CSMD2: variants seen among roughly 807,000 people sequenced by gnomAD.
CSMD2 encodes the protein CUB and sushi domain-containing protein 2.
In CSMD2, 130 loss-of-function variants were observed where a neutral mutation model predicts 398.5. The ratio of observed to expected loss-of-function variants is 0.33; its 90% CI spans 0.28 to 0.38. CSMD2 has a LOEUF of 0.38. CSMD2 is among the 10% of genes least tolerant of loss of function. The probability of loss-of-function intolerance (pLI) is 1.00; values close to 1 mark genes in which losing one functional copy is unlikely to be tolerated. For synonymous variants in CSMD2, 1,828 were observed against 1,908.5 expected (o/e 0.96, Z 1.10); for missense variants, 3,829 against 4,764.9 (o/e 0.80, Z 5.78).
chr1:33,922,168 G>A (rs2125294960), intron 4 of CSMD2, among the ~76,000 whole-genome samples: 1 of 152,242 alleles, frequency 6.6e-6, no homozygotes, highest in Admixed American at 6.5e-5. Flanking sequence ...GATACCTATG[G>A]GCCTGGGATC....
At chr1:33,933,537 T>C (rs151251570) in intron 4 of CSMD2, among the ~76,000 whole-genome samples, 2 of 152,358 alleles carry the variant, frequency 1.3e-5, no homozygotes, top group African/African-American at 4.8e-5. Context: ...TTTTATTTAC[T>C]ATCATATTTC....
At chr1:33,724,337 G>C in intron 18 of CSMD2, 24 bp from the exon 19 acceptor site, 1 of 1,579,598 alleles carries the variant, frequency 6.3e-7, no homozygotes, top group African/African-American at 1.3e-5. Flanking sequence ...GAAGAGGGCA[G>C]TGAAAGACCA....
At chr1:33,861,808 GGAGA>G (rs1284723982) in intron 5 of CSMD2, among the ~76,000 whole-genome samples, 2 of 152,180 alleles carry the variant, frequency 1.3e-5, no homozygotes, top group African/African-American at 2.4e-5. Flanking sequence ...TGTACTGGAA[GGAGA>G]GAGTCATTTA....
At position 34,088,953 on chromosome 1, in the gene CSMD2, C is replaced by A. The variant is rs373230701; in HGVS notation, c.404+24G>T. On this transcript the variant is annotated intron_variant, in intron 2 of 70. Transcript: ENST00000373381. ...TGGCTCATAGCCCAGCTGTTTGCTA[C>A]AGGGAAGGTGGGCAGCATGGTACCT... 7.5e-6 allele frequency: 12 copies of A among 1,597,034 alleles called. No homozygotes were observed. The African/African-American group carries it at 1.6e-4, about 21-fold the overall frequency.
intron 1 of CSMD2, among the ~76,000 whole-genome samples, chr1:34,111,226 A>G (rs576558654): frequency 2.8e-4 from 42 of 152,346 alleles, no homozygotes; most frequent in Admixed American, 5.2e-4. Context: ...TTACAAAAGT[A>G]CAATTCATAT....
chr1:33,772,830 G>A, intron 12 of CSMD2, 79 bp from the exon 13 acceptor site: 1 of 1,174,364 alleles, frequency 8.5e-7, no homozygotes, highest in Non-Finnish European at 1.2e-6. Flanking sequence ...CACATGACAA[G>A]CTCTACTGCT....
In CSMD2 at chr1:33,541,162, C is replaced by T. The variant is rs768710561; in HGVS notation, c.9425G>A (p.Arg3142Gln). The change falls in exon 59 of 71, where the codon CGG (arginine) becomes CAG (glutamine). Residue 3142 changes from arginine (R) to glutamine (Q), a missense_variant. Transcript: ENST00000373381. ...RVSVLSCTKDRTWNGTKPVCK... is the reference protein window; with the variant it reads ...RVSVLSCTKDQTWNGTKPVCK... ...GACGGGCTTGGTTCCATTCCATGTCCGGTCCTTGGTGCAGCTCAGCACAGA... is the reference window on the plus strand; with the variant it reads ...GACGGGCTTGGTTCCATTCCATGTCTGGTCCTTGGTGCAGCTCAGCACAGA... 1.6e-5 allele frequency: 26 copies of T among 1,614,014 alleles called. No individual in the cohort carries two copies. The highest frequency in any genetic ancestry group is 4.0e-5 in the African/African-American group (3 of 74,922).
At chr1:33,712,183 G>A (rs1042118985) in intron 21 of CSMD2, among the ~76,000 whole-genome samples, 11 of 152,248 alleles carry the variant, frequency 7.2e-5, no homozygotes, top group African/African-American at 2.6e-4. Context: ...TGAGGCAGAG[G>A]GTTAGGTCTT....
intron 40 of CSMD2, among the ~76,000 whole-genome samples, 182 bp from the exon 41 acceptor site, chr1:33,611,432 G>T (rs74524074): frequency 0.013 from 2,040 of 152,274 alleles, 50 homozygotes; most frequent in African/African-American, 0.045. Context: ...TCTTTGACAG[G>T]GCTGAACTTA....
At chr1:34,009,786 C>T (rs1647186575) in intron 3 of CSMD2, among the ~76,000 whole-genome samples, 1 of 152,160 alleles carries the variant, frequency 6.6e-6, no homozygotes, top group South Asian at 2.1e-4. Context: ...CCCACTCCCC[C>T]ACATTTAATA....
chr1:33,830,352 C>T (rs1206245649), intron 6 of CSMD2, among the ~76,000 whole-genome samples: 15 of 152,280 alleles, frequency 9.9e-5, no homozygotes, highest in South Asian at 4.1e-4. Flanking sequence ...TCGTGGTTCA[C>T]GAAAATCTGC....
At position 33,974,956 on chromosome 1, in the gene CSMD2, C is replaced by A. The variant is rs564583341; in HGVS notation, c.518-39002G>T. Among the ~76,000 whole-genome samples, 15 of 152,312 alleles carry A rather than the reference C, an allele frequency of 9.8e-5. 1 individual carries two copies. The South Asian group carries it at 3.1e-3, about 32-fold the overall frequency. ...AGAGGGTACTCTATGGACGGAACAG[C>A]CACCCTGAGTCAGCCATGATGCCAG... On this transcript the variant is annotated intron_variant, in intron 3 of 70. Coordinates refer to ENST00000373381, the MANE Select transcript of CSMD2 (RefSeq NM_001281956.2).
chr1:33,630,162 T>G (rs1039084564), intron 32 of CSMD2, among the ~76,000 whole-genome samples: 2 of 152,072 alleles, frequency 1.3e-5, no homozygotes, highest in Non-Finnish European at 2.9e-5. Flanking sequence ...TATTTACATC[T>G]ATAGGTCTTA....
chr1:33,847,030 C>T, intron 5 of CSMD2, 34 bp from the exon 6 acceptor site: 1 of 1,459,156 alleles, frequency 6.9e-7, no homozygotes, highest in Non-Finnish European at 9.6e-7. Context: ...GCTCAGGGAC[C>T]AGAGCTGAGT....
At chr1:33,531,277 A>T (rs1484254344) in intron 64 of CSMD2, among the ~76,000 whole-genome samples, 2 of 152,226 alleles carry the variant, frequency 1.3e-5, no homozygotes, top group African/African-American at 4.8e-5. Flanking sequence ...CAAACAATAA[A>T]AAACACCACA....
chr1:34,074,606 C>CT (rs1656105992), intron 2 of CSMD2, among the ~76,000 whole-genome samples: 1 of 152,240 alleles, frequency 6.6e-6, no homozygotes, highest in Non-Finnish European at 1.5e-5. Flanking sequence ...TGTTTAGCAT[C>CT]TGCTATAAGC....
intron 1 of CSMD2, among the ~76,000 whole-genome samples, chr1:34,118,419 G>T (rs1661821892): frequency 6.6e-6 from 1 of 152,120 alleles, no homozygotes; most frequent in Admixed American, 6.6e-5. Context: ...CTTGCCAGAG[G>T]ACAAGGGAAA....
intron 29 of CSMD2, among the ~76,000 whole-genome samples, chr1:33,639,248 C>T (rs1172652047): frequency 6.6e-6 from 1 of 152,184 alleles, no homozygotes; most frequent in Non-Finnish European, 1.5e-5. Context: ...CCTCATCAAT[C>T]CTGGGCGCTG....
At chr1:34,165,679 G>A, upstream of CSMD2, 1 of 1,483,986 alleles carries the variant, frequency 6.7e-7, no homozygotes, top group Admixed American at 1.7e-5. Flanking sequence ...TTCCACGTTT[G>A]GAAATTGGAA....
Sources: allele counts gnomAD v4.1 joint callset (sites outside exome capture counted in the v4.1 genomes callset), GRCh38; gene constraint gnomAD v4.1.1; transcripts MANE v1.5; gene names NCBI Gene and HGNC (gene_info 2026-07-23, HGNC 2026-07-21).